Variants in GLG1 observed in about 807,000 individuals in gnomAD.
The protein encoded by GLG1 is Golgi apparatus protein 1.
Under a neutral mutation model 160.5 loss-of-function variants are expected in GLG1, and 38 were observed. The ratio of observed to expected loss-of-function variants is 0.24; its 90% CI spans 0.18 to 0.31. The LOEUF (loss-of-function observed/expected upper bound fraction) is 0.31. GLG1 is among the 10% of genes least tolerant of loss of function. The pLI, the probability that GLG1 is intolerant of heterozygous loss-of-function variation, is 1.00. For missense variants in GLG1, 1,373 were observed against 1,505.2 expected (o/e 0.91, Z 1.45); for synonymous variants, 644 against 543.4 (o/e 1.19, Z -2.57).
At chr16:74,471,361 A>C in intron 14 of GLG1, 75 bp from the exon 15 acceptor site, 1 of 829,648 alleles carries the variant, frequency 1.2e-6, no homozygotes, top group Non-Finnish European at 2.1e-6. Flanking sequence ...GTCCGAAACA[A>C]ATGCAAGCAA....
intron 19 of GLG1, among the ~76,000 whole-genome samples, 169 bp from the exon 20 acceptor site, chr16:74,463,648 C>T (rs1159432370): frequency 2.0e-5 from 3 of 152,166 alleles, no homozygotes. Context: ...AAGCGATTCT[C>T]CTGCTTCAGC....
intron 1 of GLG1, among the ~76,000 whole-genome samples, chr16:74,576,761 C>A (rs1386880628): frequency 3.3e-5 from 5 of 152,020 alleles, no homozygotes; most frequent in Admixed American, 3.3e-4. Flanking sequence ...ATAATGAAGC[C>A]TGCTGAAGAA....
At chr16:74,595,129 A>C (rs1173730601) in intron 1 of GLG1, among the ~76,000 whole-genome samples, 3 of 151,440 alleles carry the variant, frequency 2.0e-5, no homozygotes, top group African/African-American at 7.3e-5. Context: ...CGGAGCTTGC[A>C]GTGAGCGGAG....
At chr16:74,563,594 G>A (rs1269451770) in intron 1 of GLG1, among the ~76,000 whole-genome samples, 1 of 152,050 alleles carries the variant, frequency 6.6e-6, no homozygotes, top group Non-Finnish European at 1.5e-5. Context: ...GGGCGTGGTG[G>A]CGTGTGCCTG....
intron 1 of GLG1, among the ~76,000 whole-genome samples, chr16:74,535,163 G>C (rs2017653445): frequency 6.6e-6 from 1 of 152,204 alleles, no homozygotes; most frequent in Non-Finnish European, 1.5e-5. Context: ...ATGAAAGTTT[G>C]AGGGTGTCTG....
At chr16:74,509,575 C>T (rs1398880269) in intron 2 of GLG1, among the ~76,000 whole-genome samples, 1 of 151,876 alleles carries the variant, frequency 6.6e-6, no homozygotes, top group African/African-American at 2.4e-5. Flanking sequence ...AATTGCCAGG[C>T]GCGGTGGCTG....
Position 74,449,301 on chromosome 16 carries a change from T to C in GLG1, c.*3866A>G, listed in dbSNP as rs112019743. ...TGGCCTCTCCCCAGATGACTCACTA[T>C]AGTAGGAACTTCGGGGCAGAAGTCA... On this transcript the variant is annotated 3_prime_UTR_variant, in exon 26 of 26. Transcript: ENST00000422840. The C allele has an allele frequency of 1.6e-3, 250 of 152,332 alleles. No individual in the cohort carries two copies. Among genetic ancestry groups the C allele is most frequent in the Non-Finnish European group, 3.2e-3 (218 of 68,084 alleles). The allele number at this position is 152,332 out of a possible 1,614,324, so 9.4% of individuals were successfully genotyped here.
chr16:74,500,899 T>C (rs942146765), intron 4 of GLG1, among the ~76,000 whole-genome samples: 6 of 152,218 alleles, frequency 3.9e-5, no homozygotes, highest in African/African-American at 1.4e-4. Context: ...TGTTCTAAAA[T>C]TTATATTAAC....
intron 1 of GLG1, among the ~76,000 whole-genome samples, chr16:74,577,604 A>G (rs1201159180): frequency 6.6e-6 from 1 of 151,822 alleles, no homozygotes; most frequent in East Asian, 1.9e-4. Flanking sequence ...CTTCACACGA[A>G]AACATTCTTT....
chr16:74,465,537 G>A, intron 19 of GLG1, 139 bp downstream of exon 19: 1 of 806,712 alleles, frequency 1.2e-6, no homozygotes, highest in Non-Finnish European at 2.0e-6. Context: ...GAACCCGCAG[G>A]CTCCCAGGGG....
intron 2 of GLG1, among the ~76,000 whole-genome samples, chr16:74,531,041 T>C (rs2017515713): frequency 6.6e-6 from 1 of 152,216 alleles, no homozygotes; most frequent in Non-Finnish European, 1.5e-5. Context: ...GAGAAAACTT[T>C]CAATGTAATC....
At chr16:74,522,577 G>A (rs1448719498) in intron 2 of GLG1, among the ~76,000 whole-genome samples, 1 of 151,946 alleles carries the variant, frequency 6.6e-6, no homozygotes, top group African/African-American at 2.4e-5. Flanking sequence ...TTTCTTTGTT[G>A]CTCTGTGTGA....
intron 18 of GLG1, among the ~76,000 whole-genome samples, chr16:74,467,252 C>T (rs1299116276): frequency 2.6e-5 from 4 of 152,138 alleles, no homozygotes. Flanking sequence ...AAGAGGTAGC[C>T]GAGTAGTAAC....
intron 1 of GLG1, among the ~76,000 whole-genome samples, chr16:74,598,913 T>C (rs1597386758): frequency 6.6e-6 from 1 of 151,236 alleles, no homozygotes; most frequent in East Asian, 1.9e-4. Context: ...TAAATATATA[T>C]ATATATAACT....
At chr16:74,539,335 A>G (rs1157944569) in intron 1 of GLG1, among the ~76,000 whole-genome samples, 1 of 152,068 alleles carries the variant, frequency 6.6e-6, no homozygotes, top group Non-Finnish European at 1.5e-5. Context: ...TAAGTTTTAA[A>G]GATAGACGGG....
At chr16:74,456,792 C>A (rs748113491) in intron 24 of GLG1, 37 bp from the exon 25 acceptor site, 3 of 1,240,154 alleles carry the variant, frequency 2.4e-6, no homozygotes, top group African/African-American at 1.5e-5. Context: ...GAACCTGAAA[C>A]TGTACAGAAT....
chr16:74,594,520 A>C (rs1488556573), intron 1 of GLG1, among the ~76,000 whole-genome samples: 2 of 152,200 alleles, frequency 1.3e-5, no homozygotes, highest in Non-Finnish European at 2.9e-5. Flanking sequence ...TTTAATGCAG[A>C]TACAAAGGGT....
At chr16:74,544,738 G>A (rs772798833) in intron 1 of GLG1, among the ~76,000 whole-genome samples, 42 of 152,114 alleles carry the variant, frequency 2.8e-4, no homozygotes, top group Non-Finnish European at 5.4e-4. Context: ...TTGACCTTGT[G>A]ACCCTCCCAC....
intron 1 of GLG1, among the ~76,000 whole-genome samples, chr16:74,564,701 G>A (rs1243897719): frequency 6.6e-6 from 1 of 152,196 alleles, no homozygotes; most frequent in Non-Finnish European, 1.5e-5. Flanking sequence ...AAACAAAATT[G>A]TGAGAGCCCA....
Sources: allele counts gnomAD v4.1 joint callset (sites outside exome capture counted in the v4.1 genomes callset), GRCh38; gene constraint gnomAD v4.1.1; transcripts MANE v1.5; gene names NCBI Gene and HGNC (gene_info 2026-07-23, HGNC 2026-07-21).